EPSTI1: variants seen among roughly 807,000 people sequenced by gnomAD.
EPSTI1 encodes the protein epithelial-stromal interaction protein 1.
Under a neutral mutation model 49.9 loss-of-function variants are expected in EPSTI1, and 66 were observed. That is an observed-to-expected ratio of 1.32 (90% CI 1.08 to 1.62). The LOEUF is 1.62. EPSTI1 is among the 40% of genes most tolerant of loss of function. The pLI, the probability that EPSTI1 is intolerant of heterozygous loss-of-function variation, is 0.00. For missense variants in EPSTI1, 394 were observed against 365.5 expected (o/e 1.08, Z -0.64); for synonymous variants, 137 against 130.7 (o/e 1.05, Z -0.33).
intron 6 of EPSTI1, among the ~76,000 whole-genome samples, chr13:42,935,170 T>A (rs2038517436): frequency 6.6e-6 from 1 of 152,270 alleles, no homozygotes; most frequent in South Asian, 2.1e-4. Context: ...TGTCATTCCA[T>A]GTTCTTCTTT....
At chr13:42,893,310 T>C (rs1354513891) in intron 10 of EPSTI1, among the ~76,000 whole-genome samples, 2 of 152,146 alleles carry the variant, frequency 1.3e-5, no homozygotes, top group Non-Finnish European at 2.9e-5. Context: ...AGAGTATTAT[T>C]AGAACAAAGT....
intron 5 of EPSTI1, among the ~76,000 whole-genome samples, chr13:42,961,406 C>T (rs2039445184): frequency 6.6e-6 from 1 of 152,186 alleles, no homozygotes. Context: ...AAGGAAGCTA[C>T]AGAACATCAC....
intron 1 of EPSTI1, among the ~76,000 whole-genome samples, chr13:42,987,363 A>G (rs1311153142): frequency 6.6e-6 from 1 of 151,866 alleles, no homozygotes; most frequent in Non-Finnish European, 1.5e-5. Flanking sequence ...AAAAAAAACC[A>G]CACAACTCCT....
At chr13:42,976,207 C>T (rs545718218) in intron 1 of EPSTI1, among the ~76,000 whole-genome samples, 2 of 152,290 alleles carry the variant, frequency 1.3e-5, no homozygotes, top group South Asian at 4.1e-4. Context: ...TCTCTGGCCT[C>T]CAGTCTTATG....
At chr13:42,953,912 C>T in intron 6 of EPSTI1, 36 bp downstream of exon 6, 1 of 1,566,078 alleles carries the variant, frequency 6.4e-7, no homozygotes, top group Non-Finnish European at 8.7e-7. Context: ...AACAATCTGC[C>T]TATAAAGGCA....
At chr13:42,891,336 C>G (rs2037029048) in intron 10 of EPSTI1, among the ~76,000 whole-genome samples, 1 of 152,106 alleles carries the variant, frequency 6.6e-6, no homozygotes, top group Non-Finnish European at 1.5e-5. Context: ...GAATTTGGCT[C>G]TAATATGTAT....
chr13:42,943,923 C>T (rs1466040428), intron 6 of EPSTI1, among the ~76,000 whole-genome samples: 2 of 152,182 alleles, frequency 1.3e-5, no homozygotes, highest in African/African-American at 2.4e-5. Context: ...AAAAAAAGCT[C>T]ACTATCACTG....
In EPSTI1 at chr13:42,887,772, C is replaced by G. The variant is rs1168962815; in HGVS notation, c.*722G>C. The G allele has an allele frequency of 6.6e-6, 1 of 152,492 alleles. No individual in the cohort carries two copies. Among genetic ancestry groups the G allele is most frequent in the Non-Finnish European group, 1.5e-5 (1 of 68,296 alleles). The allele number at this position is 152,492 out of a possible 1,614,324, so 9.4% of individuals were successfully genotyped here. A position where few individuals can be genotyped will look rare whatever the true frequency, so the allele number is the denominator to read the frequency against. ...ATATGATGTCTATATTTGTGTCTAGCTGATGTGTATACAAACATTGGCCTT... is the reference window on the plus strand; with the variant it reads ...ATATGATGTCTATATTTGTGTCTAGGTGATGTGTATACAAACATTGGCCTT... On this transcript the variant is annotated 3_prime_UTR_variant, in exon 11 of 11. Coordinates refer to ENST00000313624, the MANE Select transcript of EPSTI1 (RefSeq NM_033255.5).
chr13:42,970,581 T>C, intron 2 of EPSTI1, 31 bp downstream of exon 2: 1 of 1,550,600 alleles, frequency 6.4e-7, no homozygotes, highest in Non-Finnish European at 8.8e-7. Flanking sequence ...GAGAGAAGCA[T>C]TCTGAATGTT....
intron 6 of EPSTI1, among the ~76,000 whole-genome samples, chr13:42,952,447 TGAGCCTCAAAATAAATTC>T (rs2039129970): frequency 6.6e-6 from 1 of 152,232 alleles, no homozygotes; most frequent in Non-Finnish European, 1.5e-5. Context: ...CTCTTCCGGC[TGAGCCTCAAAATAAATTC>T]TCATTCATTC....
intron 1 of EPSTI1, among the ~76,000 whole-genome samples, chr13:42,979,752 A>AT (rs1484165884): frequency 6.6e-6 from 1 of 152,160 alleles, no homozygotes; most frequent in Non-Finnish European, 1.5e-5. Context: ...CTGCAGGGTC[A>AT]TAACACATCA....
At chr13:42,957,169 G>T (rs1347186671) in intron 5 of EPSTI1, among the ~76,000 whole-genome samples, 1 of 152,222 alleles carries the variant, frequency 6.6e-6, no homozygotes, top group African/African-American at 2.4e-5. Flanking sequence ...GATATGGGAT[G>T]AGTAAGAAAA....
At position 42,898,093 on chromosome 13, in the gene EPSTI1, C is replaced by T. The variant is rs115901258; in HGVS notation, c.815+2217G>A. 6.2e-3 allele frequency among the ~76,000 whole-genome samples: 950 copies of T among 152,274 alleles called. 12 individuals carry two copies. Among genetic ancestry groups the T allele is most frequent in the African/African-American group, 0.02 (831 of 41,556 alleles). On this transcript the variant is annotated intron_variant, in intron 9 of 10. Coordinates refer to ENST00000313624, the MANE Select transcript of EPSTI1 (RefSeq NM_033255.5). ...TCTTCTCCTACTCAAATAGTTACAA[C>T]GGGTTAGGTGCAGGTGCACTCAAGC...
At chr13:42,938,792 G>A (rs1453002246) in intron 6 of EPSTI1, among the ~76,000 whole-genome samples, 1 of 151,500 alleles carries the variant, frequency 6.6e-6, no homozygotes, top group Non-Finnish European at 1.5e-5. Context: ...GTGGGTGCCT[G>A]TAATCCCAGC....
intron 8 of EPSTI1, among the ~76,000 whole-genome samples, chr13:42,901,055 G>A (rs9533297): frequency 0.43 from 65,447 of 151,840 alleles, 15,631 homozygotes; most frequent in Non-Finnish European, 0.55. Context: ...GTATTATACC[G>A]AAGAACCAAT....
chr13:42,978,803 T>C (rs919420322), intron 1 of EPSTI1, among the ~76,000 whole-genome samples: 8 of 152,252 alleles, frequency 5.3e-5, no homozygotes, highest in African/African-American at 1.9e-4. Flanking sequence ...ACATCTATTT[T>C]ATATGTAACA....
chr13:42,899,108 G>C (rs1466362176), intron 9 of EPSTI1, among the ~76,000 whole-genome samples: 1 of 151,530 alleles, frequency 6.6e-6, no homozygotes, highest in African/African-American at 2.4e-5. Flanking sequence ...TGAGGCAGGA[G>C]AGTCACTTGA....
At chr13:42,991,907 C>A (rs2040201019) in intron 1 of EPSTI1, 71 bp downstream of exon 1, 1 of 1,565,610 alleles carries the variant, frequency 6.4e-7, no homozygotes, top group African/African-American at 1.3e-5. Flanking sequence ...CTCCAAGGAC[C>A]AAGGTGCTTG....
chr13:42,989,560 C>CCTTTTTCTT (rs2040149066), intron 1 of EPSTI1, among the ~76,000 whole-genome samples: 1 of 37,026 alleles, frequency 2.7e-5, no homozygotes, highest in African/African-American at 6.7e-5. Flanking sequence ...ACTTTATCCT[C>CCTTTTTCTT]TTTTTTCTTT....
Sources: allele counts gnomAD v4.1 joint callset (sites outside exome capture counted in the v4.1 genomes callset), GRCh38; gene constraint gnomAD v4.1.1; transcripts MANE v1.5; gene names NCBI Gene and HGNC (gene_info 2026-07-23, HGNC 2026-07-21).